MAP3K19: variants seen among roughly 807,000 people sequenced by gnomAD.
The protein encoded by MAP3K19 is SPS1/STE20-related protein kinase YSK4.
In MAP3K19, 91 loss-of-function variants were observed where a neutral mutation model predicts 114.4. The ratio of observed to expected loss-of-function variants is 0.80; its 90% CI spans 0.67 to 0.95. The LOEUF is 0.95. Among genes scored for constraint, MAP3K19 ranks in the 40% least tolerant of loss-of-function variants. The pLI, the probability that MAP3K19 is intolerant of heterozygous loss-of-function variation, is 0.00. For missense variants in MAP3K19, 1,471 were observed against 1,573.2 expected, an observed-to-expected ratio of 0.94 and a Z score of 1.10; for synonymous variants, 518 against 530.5, an observed-to-expected ratio of 0.98 and a Z score of 0.32.
At chr2:135,010,161 T>C (rs1037496740) in intron 5 of MAP3K19, among the ~76,000 whole-genome samples, 6 of 150,930 alleles carry the variant, frequency 4.0e-5, no homozygotes, top group Non-Finnish European at 7.4e-5. Context: ...TCAAACCTAA[T>C]TGATAAGTTT....
intron 6 of MAP3K19, among the ~76,000 whole-genome samples, chr2:135,000,719 A>T (rs1218704488): frequency 3.9e-5 from 6 of 152,230 alleles, no homozygotes; most frequent in African/African-American, 1.2e-4. Context: ...AAGCACTGTG[A>T]TAGAAGCAAG....
chr2:134,979,456 G>A, intron 12 of MAP3K19, among the ~76,000 whole-genome samples: 1 of 151,752 alleles, frequency 6.6e-6, no homozygotes, highest in South Asian at 2.1e-4. Context: ...GTGTGTGTGT[G>A]TGTGTGTGTG....
In MAP3K19 at chr2:134,981,137, G is replaced by C. The variant is rs1319392347; in HGVS notation, c.3604C>G (p.Leu1202Val). The change falls in exon 12 of 13, where the codon CTG becomes GTG. Residue 1202 changes from leucine to valine, a missense_variant. Transcript: ENST00000392915. ...VMLMPTGIIKLIDFGCARRLA... is the reference protein window; with the variant it reads ...VMLMPTGIIKVIDFGCARRLA... The stretch of plus-strand genomic sequence containing the variant: ...CGCCTGGCACAGCCAAAGTCAATCA[G>C]CTTTATTATTCCAGTTGGCATGAGC... 14 of 1,614,134 alleles carry C rather than the reference G, an allele frequency of 8.7e-6. No homozygotes were observed. The highest frequency in any genetic ancestry group is 1.2e-5 in the Non-Finnish European group (14 of 1,180,040).
At chr2:135,031,823 G>A (rs1688387543) in intron 2 of MAP3K19, among the ~76,000 whole-genome samples, 1 of 152,180 alleles carries the variant, frequency 6.6e-6, no homozygotes, top group Non-Finnish European at 1.5e-5. Flanking sequence ...CAATGTGGAT[G>A]TTAACACTGA....
At position 134,981,309 on chromosome 2, in the gene MAP3K19, A is replaced by G. The variant is rs370576522; in HGVS notation, c.3432T>C (p.Pro1144=). The change falls in exon 12 of 13, where the codon CCT becomes CCC. Residue 1144 remains proline, a synonymous_variant. Transcript: ENST00000392915. ...NTVSIFMEFV[P]GGSISSIINR... is the part of the protein sequence containing the mutation. ...TTATAATACTAGAGATTGAGCCACCAGGAACAAACTCCATGAAAATGCTCA... is the reference window on the plus strand; with the variant it reads ...TTATAATACTAGAGATTGAGCCACCGGGAACAAACTCCATGAAAATGCTCA... The G allele has an allele frequency of 6.2e-6, 10 of 1,614,144 alleles. No individual in the cohort carries two copies. The highest frequency in any genetic ancestry group is 1.6e-4 in the Middle Eastern group (1 of 6,084).
intron 8 of MAP3K19, among the ~76,000 whole-genome samples, chr2:134,995,129 T>G (rs1430438778): frequency 2.0e-5 from 3 of 151,878 alleles, no homozygotes; most frequent in Non-Finnish European, 4.4e-5. Flanking sequence ...CTGGGCAATA[T>G]AGTAAGACCC....
intron 5 of MAP3K19, among the ~76,000 whole-genome samples, chr2:135,015,051 G>A (rs1687490719): frequency 6.6e-6 from 1 of 152,104 alleles, no homozygotes; most frequent in Non-Finnish European, 1.5e-5. Flanking sequence ...ATTTCTGTTA[G>A]GTATGTATTT....
intron 12 of MAP3K19, among the ~76,000 whole-genome samples, chr2:134,973,400 A>T (rs904062756): frequency 6.6e-6 from 1 of 151,986 alleles, no homozygotes; most frequent in African/African-American, 2.4e-5. Context: ...ACTGTTTTTG[A>T]CATAAAGTGT....
chr2:134,978,078 T>C (rs59621444), intron 12 of MAP3K19, among the ~76,000 whole-genome samples: 34,037 of 152,132 alleles, frequency 0.22, 4,275 homozygotes, highest in Middle Eastern at 0.6. Context: ...TCTCCAGTTA[T>C]GTGCTAGACT....
At chr2:135,000,182 T>G (rs1000379282) in intron 6 of MAP3K19, among the ~76,000 whole-genome samples, 167 bp from the exon 7 acceptor site, 22 of 152,198 alleles carry the variant, frequency 1.4e-4, no homozygotes, top group Non-Finnish European at 2.8e-4. Context: ...GTTCAGGATA[T>G]GATAGATCCT....
At chr2:135,004,491 A>G (rs6712127) in intron 6 of MAP3K19, among the ~76,000 whole-genome samples, 58,529 of 152,028 alleles carry the variant, frequency 0.38, 15,327 homozygotes, top group African/African-American at 0.73. Context: ...CAGCCTTCTG[A>G]GAGGTGCGAA....
intron 2 of MAP3K19, 113 bp from the exon 3 acceptor site, chr2:135,030,613 C>T (rs1321989751): frequency 2.0e-5 from 3 of 152,278 alleles, no homozygotes; most frequent in Non-Finnish European, 4.4e-5. Flanking sequence ...TGGGTAACTG[C>T]TATTTGCCCT....
intron 11 of MAP3K19, among the ~76,000 whole-genome samples, chr2:134,982,704 G>A (rs1684793961): frequency 6.6e-6 from 1 of 152,134 alleles, no homozygotes; most frequent in South Asian, 2.1e-4. Flanking sequence ...AAAAGCTCCT[G>A]ATAATATGTA....
In MAP3K19 at chr2:134,977,393, C is replaced by T. The variant is rs1021878861; in HGVS notation, c.3920+3428G>A. Among the ~76,000 whole-genome samples the T allele has an allele frequency of 3.6e-5, 4 of 112,062 alleles. No homozygotes were observed. The Admixed American group carries it at 4.0e-4, about 11-fold the overall frequency. The allele number at this position is 112,062 out of a possible 152,430, so 73.5% of individuals were successfully genotyped here. On this transcript the variant is annotated intron_variant, in intron 12 of 12. Coordinates refer to ENST00000392915, the MANE Select transcript of MAP3K19 (RefSeq NM_025052.5). ...TTTTTTTTTTTTTGAGATGAAGTCT[C>T]GCTCTGTCACCCAGGCTGGAGTGCA...
Position 135,030,054 on chromosome 2 carries a change from C to A in MAP3K19, c.-95+258G>T, listed in dbSNP as rs937163972. ...CTCTGGAGGCTTCCTGGGAGCAAAT[C>A]ATTTCCCAGGGGTGTTGTGTGACTT... On this transcript the variant is annotated intron_variant, in intron 3 of 12. Transcript: ENST00000392915. Among the ~76,000 whole-genome samples the A allele has an allele frequency of 2.6e-5, 4 of 152,146 alleles. No individual in the cohort carries two copies. In the East Asian group the frequency reaches 5.8e-4, roughly 22 times the overall value.
chr2:134,991,500 T>C, intron 9 of MAP3K19, 37 bp downstream of exon 9: 1 of 1,589,740 alleles, frequency 6.3e-7, no homozygotes, highest in South Asian at 1.1e-5. Flanking sequence ...TTGTTTGGTT[T>C]TAATTCTCAA....
At chr2:134,978,245 G>C (rs978579608) in intron 12 of MAP3K19, among the ~76,000 whole-genome samples, 1 of 150,408 alleles carries the variant, frequency 6.6e-6, no homozygotes, top group Non-Finnish European at 1.5e-5. Context: ...GGAGTGCAGT[G>C]GTGCCATCTC....
At chr2:135,006,109 T>C (rs1328532650) in intron 5 of MAP3K19, among the ~76,000 whole-genome samples, 1 of 152,242 alleles carries the variant, frequency 6.6e-6, no homozygotes, top group Non-Finnish European at 1.5e-5. Flanking sequence ...ATAATCATTA[T>C]AGTTGAAAAC....
Position 134,978,376 on chromosome 2 carries a change from G to A in MAP3K19, c.3920+2445C>T, listed in dbSNP as rs1258291175. Among the ~76,000 whole-genome samples, 5 of 151,778 alleles carry A rather than the reference G, an allele frequency of 3.3e-5. No individual in the cohort carries two copies. The East Asian group carries it at 7.8e-4, about 24-fold the overall frequency. On this transcript the variant is annotated intron_variant, in intron 12 of 12. Coordinates refer to ENST00000392915, the MANE Select transcript of MAP3K19 (RefSeq NM_025052.5). ...GCCTGGCTAATTTTTGTATTTTTTT[G>A]TAAAGATGGGGTTTCTTCATGTGGC...
Sources: allele counts gnomAD v4.1 joint callset (sites outside exome capture counted in the v4.1 genomes callset), GRCh38; gene constraint gnomAD v4.1.1; transcripts MANE v1.5; gene names NCBI Gene and HGNC (gene_info 2026-07-23, HGNC 2026-07-21).